FBXL17: variants seen among roughly 807,000 people sequenced by gnomAD.
FBXL17 encodes the protein F-box and leucine rich repeat protein 17, also known as F-box/LRR-repeat protein 17.
FBXL17 carries 22 observed loss-of-function variants against 66.2 expected under a neutral mutation model. That is an observed-to-expected ratio of 0.33 (90% CI 0.24 to 0.47). FBXL17 has a LOEUF of 0.47. Among genes scored for constraint, FBXL17 ranks in the 20% least tolerant of loss-of-function variants. FBXL17 has a pLI of 1.00. For synonymous variants in FBXL17, 474 were observed against 400.5 expected (o/e 1.18, Z -2.19); for missense variants, 878 against 948.2 (o/e 0.93, Z 0.97).
intron 5 of FBXL17, among the ~76,000 whole-genome samples, chr5:108,201,635 AGT>A (rs1753899039): frequency 6.6e-6 from 1 of 152,032 alleles, no homozygotes; most frequent in Non-Finnish European, 1.5e-5. Context: ...TTTTCTCAGT[AGT>A]ATATTTTCTC....
intron 6 of FBXL17, among the ~76,000 whole-genome samples, chr5:108,079,030 G>T (rs1046251491): frequency 6.6e-6 from 1 of 150,586 alleles, no homozygotes; most frequent in African/African-American, 2.4e-5. Context: ...TTTTTTCCCT[G>T]TAGAGACAGG....
intron 6 of FBXL17, among the ~76,000 whole-genome samples, chr5:108,038,140 A>G (rs547167995): frequency 2.6e-5 from 4 of 152,324 alleles, no homozygotes; most frequent in South Asian, 2.1e-4. Context: ...CCTAAGAGCT[A>G]TATCAACCAA....
chr5:108,011,361 C>A (rs1413689441), intron 7 of FBXL17, among the ~76,000 whole-genome samples: 1 of 152,174 alleles, frequency 6.6e-6, no homozygotes, highest in African/African-American at 2.4e-5. Flanking sequence ...CTTTTTCTCC[C>A]TTTTTGCTCC....
intron 5 of FBXL17, among the ~76,000 whole-genome samples, chr5:108,199,492 C>T (rs182156057): frequency 6.6e-6 from 1 of 152,242 alleles, no homozygotes; most frequent in East Asian, 1.9e-4. Context: ...GCTAGCACTC[C>T]AACCTATTCT....
At chr5:108,131,828 A>T (rs967750347) in intron 6 of FBXL17, among the ~76,000 whole-genome samples, 1 of 152,194 alleles carries the variant, frequency 6.6e-6, no homozygotes, top group Non-Finnish European at 1.5e-5. Context: ...GCTAAATTTC[A>T]GGGTTTTATT....
chr5:107,999,937 G>A (rs979832744), intron 7 of FBXL17, among the ~76,000 whole-genome samples: 2 of 152,166 alleles, frequency 1.3e-5, no homozygotes, highest in Non-Finnish European at 2.9e-5. Flanking sequence ...GTAGAAAGGC[G>A]ATAATGAAAG....
At chr5:108,234,707 T>A (rs919036814) in intron 4 of FBXL17, among the ~76,000 whole-genome samples, 3 of 152,174 alleles carry the variant, frequency 2.0e-5, no homozygotes, top group Admixed American at 1.3e-4. Context: ...GGTATGATAG[T>A]CTTGTATGTC....
intron 6 of FBXL17, among the ~76,000 whole-genome samples, chr5:108,072,957 C>A (rs1748398709): frequency 6.6e-6 from 1 of 152,118 alleles, no homozygotes; most frequent in Admixed American, 6.6e-5. Context: ...ATCATGACCA[C>A]AAAACGAGTG....
intron 6 of FBXL17, among the ~76,000 whole-genome samples, chr5:108,086,494 A>G (rs1397783193): frequency 6.6e-6 from 1 of 152,200 alleles, no homozygotes; most frequent in Non-Finnish European, 1.5e-5. Context: ...TAAAGCATTA[A>G]TTAAATAAAT....
intron 4 of FBXL17, among the ~76,000 whole-genome samples, chr5:108,309,417 C>T (rs1409877456): frequency 2.0e-5 from 3 of 151,792 alleles, no homozygotes; most frequent in Non-Finnish European, 4.4e-5. Context: ...AATCAACAAG[C>T]ATTACCTTTA....
chr5:107,968,216 T>C (rs1331882427), intron 7 of FBXL17, among the ~76,000 whole-genome samples: 1 of 152,092 alleles, frequency 6.6e-6, no homozygotes. Context: ...AGCTCTTTTT[T>C]TCAGAAAAGT....
intron 6 of FBXL17, among the ~76,000 whole-genome samples, chr5:108,036,649 T>C (rs1746853558): frequency 6.6e-6 from 1 of 152,172 alleles, no homozygotes; most frequent in Non-Finnish European, 1.5e-5. Flanking sequence ...GTATGAAGTA[T>C]GTCATCATGC....
chr5:108,348,618 AACC>A (rs1747432914), intron 3 of FBXL17, 88 bp from the exon 4 acceptor site: 3 of 1,384,260 alleles, frequency 2.2e-6, no homozygotes, highest in Non-Finnish European at 2.0e-6. Flanking sequence ...TTTTGAAAAT[AACC>A]ACGTCAGAGT....
chr5:108,113,948 T>G (rs943756881), intron 6 of FBXL17, among the ~76,000 whole-genome samples: 1 of 152,160 alleles, frequency 6.6e-6, no homozygotes, highest in Non-Finnish European at 1.5e-5. Context: ...AAATATCCAT[T>G]TCAGTTTCTT....
chr5:108,274,199 C>T (rs556826566), intron 4 of FBXL17, among the ~76,000 whole-genome samples: 2 of 152,150 alleles, frequency 1.3e-5, no homozygotes, highest in Non-Finnish European at 2.9e-5. Flanking sequence ...GTGTGAATTT[C>T]CTCTTCCTAA....
chr5:108,137,677 A>G (rs1751193196), intron 6 of FBXL17, among the ~76,000 whole-genome samples: 1 of 152,192 alleles, frequency 6.6e-6, no homozygotes, highest in Admixed American at 6.5e-5. Flanking sequence ...AAGTCATGAA[A>G]TCAATTTGAT....
At chr5:108,273,747 T>C (rs1446102478) in intron 4 of FBXL17, among the ~76,000 whole-genome samples, 1 of 152,064 alleles carries the variant, frequency 6.6e-6, no homozygotes, top group Admixed American at 6.5e-5. Flanking sequence ...GAAAGGACAT[T>C]TGAAAAATAA....
At chr5:107,946,267 A>C (rs1452062019) in intron 7 of FBXL17, among the ~76,000 whole-genome samples, 1 of 37,076 alleles carries the variant, frequency 2.7e-5, no homozygotes, top group Non-Finnish European at 5.3e-5. Context: ...ATATATATAT[A>C]TATATATATA....
chr5:107,947,192 C>G (rs12657877), intron 7 of FBXL17, among the ~76,000 whole-genome samples: 2 of 152,014 alleles, frequency 1.3e-5, no homozygotes, highest in Admixed American at 1.3e-4. Flanking sequence ...TGGCCTTTAC[C>G]GCGGCATTGC....
Sources: allele counts gnomAD v4.1 joint callset (sites outside exome capture counted in the v4.1 genomes callset), GRCh38; gene constraint gnomAD v4.1.1; transcripts MANE v1.5; gene names NCBI Gene and HGNC (gene_info 2026-07-23, HGNC 2026-07-21).